Variants in TMEM132D observed in about 807,000 individuals in gnomAD.
TMEM132D encodes mature OL transmembrane protein.
A neutral mutation model predicts 62.3 loss-of-function variants in TMEM132D; 21 were observed. The ratio of observed to expected loss-of-function variants is 0.34; its 90% CI spans 0.24 to 0.49. TMEM132D has a LOEUF of 0.49. Among genes scored for constraint, TMEM132D ranks in the 20% least tolerant of loss-of-function variants. The pLI, the probability that TMEM132D is intolerant of heterozygous loss-of-function variation, is 0.99. For missense variants in TMEM132D, 1,346 were observed against 1,402.8 expected, an observed-to-expected ratio of 0.96 and a Z score of 0.65; for synonymous variants, 621 against 575.6, an observed-to-expected ratio of 1.08 and a Z score of -1.13.
At chr12:129,826,085 A>G (rs1872654759) in intron 1 of TMEM132D, among the ~76,000 whole-genome samples, 1 of 152,110 alleles carries the variant, frequency 6.6e-6, no homozygotes. Context: ...TAATAAAATA[A>G]AAAGTATTAA....
chr12:129,209,028 C>T (rs541292905), intron 5 of TMEM132D: 1 of 153,036 alleles, frequency 6.5e-6, no homozygotes, highest in Non-Finnish European at 1.5e-5. Context: ...GAATGATTTC[C>T]TCTTCCTCCC....
At chr12:129,797,267 T>C (rs1419788693) in intron 1 of TMEM132D, among the ~76,000 whole-genome samples, 3 of 152,232 alleles carry the variant, frequency 2.0e-5, no homozygotes, top group Non-Finnish European at 2.9e-5. Context: ...CACAGCTGAA[T>C]GTTTTCAGTT....
intron 3 of TMEM132D, among the ~76,000 whole-genome samples, chr12:129,357,017 T>C (rs1160873269): frequency 5.4e-5 from 8 of 148,388 alleles, no homozygotes; most frequent in Non-Finnish European, 1.2e-4. Flanking sequence ...GAGGCCGAGG[T>C]GGGTGGATCA....
rs60745384 is a variant in TMEM132D at position 129,236,514 on chromosome 12, C to CAAAAA, written c.1300-26856_1300-26852dup. 2.8e-3 allele frequency among the ~76,000 whole-genome samples: 191 copies of CAAAAA among 67,032 alleles called. 1 individual carries two copies. The highest frequency in any genetic ancestry group is 9.4e-3 in the African/African-American group (170 of 18,162). 44.0% of individuals were successfully genotyped at this position (67,032 alleles called of 152,430 possible). ...TGGGCAATGGAGTGAGACTCCATCT[C>CAAAAA]AAAAAAAAAAAAAAAAAGAAAAAAA... is the stretch of plus-strand genomic sequence containing the variant. On this transcript the variant is annotated intron_variant, in intron 4 of 8. Coordinates refer to ENST00000422113, the MANE Select transcript of TMEM132D (RefSeq NM_133448.3).
chr12:129,810,909 T>C (rs1009739695), intron 1 of TMEM132D, among the ~76,000 whole-genome samples: 1 of 152,166 alleles, frequency 6.6e-6, no homozygotes. Flanking sequence ...TTCATTGATA[T>C]TGGGCACTGA....
chr12:129,791,352 T>C (rs1201745890), intron 1 of TMEM132D, among the ~76,000 whole-genome samples: 1 of 152,154 alleles, frequency 6.6e-6, no homozygotes, highest in African/African-American at 2.4e-5. Flanking sequence ...AAAAGAGAAA[T>C]GGACCTCTAA....
Position 129,446,961 on chromosome 12 carries a change from C to T in TMEM132D, c.1115+84098G>A, listed in dbSNP as rs567330964. 5.3e-5 allele frequency among the ~76,000 whole-genome samples: 8 copies of T among 152,296 alleles called. No homozygotes were observed. In the South Asian group the frequency reaches 1.0e-3, roughly 20 times the overall value. On this transcript the variant is annotated intron_variant, in intron 3 of 8. Transcript: ENST00000422113. ...GCAAGCACACAGCAAAGTCCCCAAG[C>T]GGACCACACAGAGCATTATCTAACC...
At chr12:129,664,122 T>G (rs1880313513) in intron 2 of TMEM132D, among the ~76,000 whole-genome samples, 1 of 152,174 alleles carries the variant, frequency 6.6e-6, no homozygotes, top group Non-Finnish European at 1.5e-5. Context: ...CTAACTGAGT[T>G]TAAATGGAGG....
At chr12:129,544,758 A>C (rs1876684882) in intron 2 of TMEM132D, among the ~76,000 whole-genome samples, 1 of 152,238 alleles carries the variant, frequency 6.6e-6, no homozygotes, top group Non-Finnish European at 1.5e-5. Flanking sequence ...CTCACAGAAG[A>C]CTATCAAAAG....
At chr12:129,574,402 T>C (rs1394382843) in intron 2 of TMEM132D, among the ~76,000 whole-genome samples, 2 of 151,878 alleles carry the variant, frequency 1.3e-5, no homozygotes, top group Non-Finnish European at 2.9e-5. Flanking sequence ...TCAGAATCTT[T>C]GGGAATATTA....
At chr12:129,522,047 G>A (rs181536208) in intron 3 of TMEM132D, among the ~76,000 whole-genome samples, 1 of 152,098 alleles carries the variant, frequency 6.6e-6, no homozygotes, top group Non-Finnish European at 1.5e-5. Flanking sequence ...TAACGCAAGA[G>A]CTTAACGAAG....
intron 1 of TMEM132D, among the ~76,000 whole-genome samples, chr12:129,776,585 T>C (rs1870931465): frequency 1.3e-5 from 2 of 152,060 alleles, no homozygotes; most frequent in Admixed American, 6.5e-5. Flanking sequence ...ATCTCTACTT[T>C]GCTGCTTGTA....
At chr12:129,721,298 C>T (rs1483806770) in intron 1 of TMEM132D, among the ~76,000 whole-genome samples, 1 of 151,982 alleles carries the variant, frequency 6.6e-6, no homozygotes, top group Non-Finnish European at 1.5e-5. Flanking sequence ...ACTGCCTGTC[C>T]ACCAAGGAAT....
At chr12:129,781,665 CAA>C (rs1255716671) in intron 1 of TMEM132D, among the ~76,000 whole-genome samples, 1 of 152,098 alleles carries the variant, frequency 6.6e-6, no homozygotes. Context: ...CTGTAGGAAG[CAA>C]AGAACCAGAG....
At chr12:129,848,276 A>G (rs1873427461) in intron 1 of TMEM132D, among the ~76,000 whole-genome samples, 1 of 152,186 alleles carries the variant, frequency 6.6e-6, no homozygotes, top group African/African-American at 2.4e-5. Flanking sequence ...AGAAATCACC[A>G]CAGCGATTCT....
intron 4 of TMEM132D, among the ~76,000 whole-genome samples, chr12:129,258,095 A>G (rs1220408039): frequency 2.0e-5 from 3 of 152,148 alleles, no homozygotes; most frequent in Non-Finnish European, 4.4e-5. Flanking sequence ...ATAAAACTAG[A>G]CACATGTGCT....
intron 2 of TMEM132D, among the ~76,000 whole-genome samples, chr12:129,624,493 TG>T (rs1364244959): frequency 6.6e-6 from 1 of 152,098 alleles, no homozygotes; most frequent in Non-Finnish European, 1.5e-5. Context: ...CAGAGGAGCT[TG>T]GGGAGATAAT....
At chr12:129,433,688 G>A (rs1872720350) in intron 3 of TMEM132D, among the ~76,000 whole-genome samples, 1 of 152,182 alleles carries the variant, frequency 6.6e-6, no homozygotes. Context: ...AACTGGGGAA[G>A]CAGAGAGAAG....
chr12:129,103,206 C>A (rs752668744), intron 5 of TMEM132D, among the ~76,000 whole-genome samples: 6 of 152,170 alleles, frequency 3.9e-5, no homozygotes, highest in Non-Finnish European at 8.8e-5. Context: ...TTTGCTCCTT[C>A]ATCTCTTCTT....
Sources: gnomAD v4.1 joint callset for allele counts (sites outside exome capture counted in the v4.1 genomes callset) on GRCh38, gnomAD v4.1.1 for gene constraint, MANE v1.5 for transcripts, NCBI Gene and HGNC (gene_info 2026-07-23, HGNC 2026-07-21) for gene names.